The following PCDH9 variants were observed in gnomAD, a reference collection of about 807,000 sequenced individuals.
PCDH9 encodes the protein protocadherin-9.
Under a neutral mutation model 70.6 loss-of-function variants are expected in PCDH9, and 24 were observed. The observed-to-expected ratio is 0.34, with a 90% CI of 0.25 to 0.48. PCDH9 has a LOEUF of 0.48. Ranked by LOEUF, PCDH9 falls within the 20% of genes least tolerant of loss-of-function variation. The pLI is 0.99. For missense variants in PCDH9, 1,281 were observed against 1,503.6 expected, an observed-to-expected ratio of 0.85 and a Z score of 2.45; for synonymous variants, 562 against 558.5, an observed-to-expected ratio of 1.01 and a Z score of -0.09.
intron 4 of PCDH9, among the ~76,000 whole-genome samples, chr13:66,429,922 CT>C (rs1957741183): frequency 1.3e-5 from 2 of 151,944 alleles, no homozygotes; most frequent in Admixed American, 1.3e-4. Context: ...GAGAATATAC[CT>C]TTATCGATCT....
At chr13:66,999,540 C>A (rs1312044702) in intron 2 of PCDH9, among the ~76,000 whole-genome samples, 1 of 151,838 alleles carries the variant, frequency 6.6e-6, no homozygotes, top group African/African-American at 2.4e-5. Context: ...TCAGAGTGAA[C>A]AGGCAACCTA....
At chr13:66,798,257 A>G (rs1203633830) in intron 3 of PCDH9, among the ~76,000 whole-genome samples, 1 of 152,152 alleles carries the variant, frequency 6.6e-6, no homozygotes, top group Non-Finnish European at 1.5e-5. Flanking sequence ...ATAACCTTCT[A>G]ATAATTTTTG....
intron 3 of PCDH9, among the ~76,000 whole-genome samples, chr13:66,888,912 C>A (rs1036697179): frequency 3.9e-5 from 6 of 152,032 alleles, no homozygotes. Context: ...TATAATTGTG[C>A]CAAAGAGCTA....
chr13:66,695,373 C>G (rs1337519375), intron 3 of PCDH9, among the ~76,000 whole-genome samples: 2 of 152,120 alleles, frequency 1.3e-5, no homozygotes, highest in African/African-American at 4.8e-5. Context: ...TATTGTCTAG[C>G]TACTATATCC....
At chr13:66,381,370 T>C (rs1956845309) in intron 4 of PCDH9, among the ~76,000 whole-genome samples, 1 of 152,218 alleles carries the variant, frequency 6.6e-6, no homozygotes, top group Non-Finnish European at 1.5e-5. Context: ...TATTAAAATG[T>C]ATGACTGTGC....
intron 4 of PCDH9, among the ~76,000 whole-genome samples, chr13:66,510,100 TC>T (rs1959392600): frequency 6.6e-6 from 1 of 152,130 alleles, no homozygotes; most frequent in African/African-American, 2.4e-5. Context: ...CAGAAAAATT[TC>T]CTTTCAGGTT....
intron 2 of PCDH9, among the ~76,000 whole-genome samples, chr13:66,906,633 A>C (rs1416541455): frequency 6.6e-6 from 1 of 152,212 alleles, no homozygotes; most frequent in African/African-American, 2.4e-5. Flanking sequence ...TTTTTGGAAC[A>C]GTGAATGGCA....
intron 4 of PCDH9, among the ~76,000 whole-genome samples, chr13:66,316,653 A>G (rs956716334): frequency 4.6e-5 from 7 of 152,194 alleles, no homozygotes; most frequent in Admixed American, 4.6e-4. Flanking sequence ...TCAAAAGTCA[A>G]TTCTTCATAG....
At chr13:66,523,044 C>T (rs1960068580) in intron 4 of PCDH9, among the ~76,000 whole-genome samples, 1 of 151,966 alleles carries the variant, frequency 6.6e-6, no homozygotes, top group Non-Finnish European at 1.5e-5. Context: ...CTTTTACTTG[C>T]AGGGTGTTGC....
At chr13:66,993,562 T>C (rs1207369056) in intron 2 of PCDH9, among the ~76,000 whole-genome samples, 1 of 152,156 alleles carries the variant, frequency 6.6e-6, no homozygotes, top group Non-Finnish European at 1.5e-5. Flanking sequence ...GGGAAAAAGA[T>C]TCAAAGTTTT....
chr13:67,005,731 T>C (rs2084337621), intron 2 of PCDH9, among the ~76,000 whole-genome samples: 1 of 152,230 alleles, frequency 6.6e-6, no homozygotes, highest in Non-Finnish European at 1.5e-5. Flanking sequence ...TGCATTTAGC[T>C]AGGTAACAGA....
At chr13:66,341,536 TCTC>T (rs1956124739) in intron 4 of PCDH9, among the ~76,000 whole-genome samples, 1 of 152,078 alleles carries the variant, frequency 6.6e-6, no homozygotes, top group Non-Finnish European at 1.5e-5. Flanking sequence ...CCACCTCAGA[TCTC>T]CTGAATCTGA....
chr13:66,704,807 C>A (rs2078690382), intron 3 of PCDH9, among the ~76,000 whole-genome samples: 1 of 152,014 alleles, frequency 6.6e-6, no homozygotes, highest in African/African-American at 2.4e-5. Context: ...TGGTGTAAGG[C>A]ACTTAATTTG....
At chr13:66,645,959 G>C (rs2077765782) in intron 3 of PCDH9, among the ~76,000 whole-genome samples, 1 of 152,148 alleles carries the variant, frequency 6.6e-6, no homozygotes, top group Admixed American at 6.5e-5. Context: ...AGGGCCACTT[G>C]GCTTACACTG....
At chr13:66,965,871 T>C (rs1235254841) in intron 2 of PCDH9, among the ~76,000 whole-genome samples, 1 of 151,926 alleles carries the variant, frequency 6.6e-6, no homozygotes, top group Non-Finnish European at 1.5e-5. Flanking sequence ...TATCTAAAAA[T>C]ATTTTATATA....
Position 66,903,548 on chromosome 13 carries a change from A to C in PCDH9, c.3094T>G (p.Ser1032Ala). ...IPVTPQKCPS[S>A]TGFHIQENEE... ...TTCTCCTGAATGTGGAAACCCGTGG[A>C]GCTGGGACATTTCTGAGGAGTGACA... Residue 1032 changes from serine to alanine, a missense_variant, in exon 3 of 5, where the codon TCC (serine) becomes GCC (alanine). Transcript: ENST00000377865. 6.3e-7 allele frequency: 1 copy of C among 1,586,022 alleles called. No individual in the cohort carries two copies. Among genetic ancestry groups the C allele is most frequent in the Non-Finnish European group, 8.7e-7 (1 of 1,155,684 alleles).
chr13:66,464,496 A>C (rs7333048), intron 4 of PCDH9, among the ~76,000 whole-genome samples: 2,918 of 152,052 alleles, frequency 0.019, 87 homozygotes, highest in African/African-American at 0.065. Flanking sequence ...GCATTTTGTA[A>C]AAGCAAAAGA....
rs1291840628 is a variant in PCDH9, at chr13:66,566,171, T to G, written c.3340+65039A>C. Among the ~76,000 whole-genome samples the G allele has an allele frequency of 4.6e-5, 7 of 152,298 alleles. No individual in the cohort carries two copies. The East Asian group carries it at 1.4e-3, about 29-fold the overall frequency. On this transcript the variant is annotated intron_variant, in intron 4 of 4. Coordinates refer to ENST00000377865, the MANE Select transcript of PCDH9 (RefSeq NM_203487.3). The stretch of plus-strand genomic sequence containing the variant: ...ACGCTCAATTGGAAGCTATTTGACT[T>G]GTGATGTACTTTTCAGAGTTTTCCT...
intron 3 of PCDH9, among the ~76,000 whole-genome samples, chr13:66,805,188 G>C (rs557954098): frequency 6.6e-6 from 1 of 152,262 alleles, no homozygotes; most frequent in Non-Finnish European, 1.5e-5. Flanking sequence ...AAAGTAAATA[G>C]TTTGAAAAAT....
Sources: allele counts gnomAD v4.1 joint callset (sites outside exome capture counted in the v4.1 genomes callset), GRCh38; gene constraint gnomAD v4.1.1; transcripts MANE v1.5; gene names NCBI Gene and HGNC (gene_info 2026-07-23, HGNC 2026-07-21).